The following PRELID2 variants were observed in gnomAD, a reference collection of about 807,000 sequenced individuals.
PRELID2 encodes PRELI domain containing 2, also known as PRELI domain-containing protein 2.
Under a neutral mutation model 28.4 loss-of-function variants are expected in PRELID2, and 25 were observed. That is an observed-to-expected ratio of 0.88 (90% CI 0.64 to 1.23). The LOEUF is 1.23. Among genes scored for constraint, PRELID2 ranks in the 50% most tolerant of loss-of-function variants. The pLI, the probability that PRELID2 is intolerant of heterozygous loss-of-function variation, is 0.00. For missense variants in PRELID2, 201 were observed against 214.4 expected (o/e 0.94, Z 0.39); for synonymous variants, 76 against 71.6 (o/e 1.06, Z -0.31).
At chr5:145,367,908 T>A in the PRELID2 span, among the ~76,000 whole-genome samples, 1 of 152,046 alleles carries the variant, frequency 6.6e-6, no homozygotes, top group Non-Finnish European at 1.5e-5. Flanking sequence ...CTTTTGCAAG[T>A]TTCCATGTGA....
At chr5:145,473,164 T>C (rs1404430003) in intron 2 of PRELID2, 1 of 152,282 alleles carries the variant, frequency 6.6e-6, no homozygotes, top group South Asian at 2.1e-4. Context: ...GAAGAAGGCT[T>C]CCATCTTTTT....
chr5:145,822,858 GC>G (rs1180964469), intron 2 of PRELID2, among the ~76,000 whole-genome samples: 1 of 152,038 alleles, frequency 6.6e-6, no homozygotes, highest in East Asian at 1.9e-4. Flanking sequence ...GCATCAGCAG[GC>G]CTTTTACTAT....
At position 145,638,261 on chromosome 5, in the gene PRELID2, CT is replaced by C. The variant is rs201754948; in HGVS notation, n.70+126669del. ...GATGCCTAACTTAAGCTGTTCCATG[CT>C]GTGTTCCCCACTAAACGGGCATTAC... On this transcript the variant is annotated intron_variant and non_coding_transcript_variant, in intron 1 of 2. Coordinates refer to the PRELID2 transcript ENST00000510259. 4.8e-4 allele frequency among the ~76,000 whole-genome samples: 73 copies of C among 152,260 alleles called. No homozygotes were observed. In the East Asian group the frequency reaches 0.013, roughly 27 times the overall value.
At chr5:145,379,837 G>A in the PRELID2 span, among the ~76,000 whole-genome samples, 4 of 152,026 alleles carry the variant, frequency 2.6e-5, no homozygotes, top group East Asian at 1.9e-4. Flanking sequence ...TATGGTGTGG[G>A]CCCCGAGAGC....
chr5:145,381,464 A>G, the PRELID2 span: 1 of 152,180 alleles, frequency 6.6e-6, no homozygotes, highest in African/African-American at 2.4e-5. Flanking sequence ...CCAACCTAAA[A>G]CAAACTTTAA....
At chr5:145,647,811 G>A (rs112143932) in intron 1 of PRELID2, among the ~76,000 whole-genome samples, 4,565 of 152,220 alleles carry the variant, frequency 0.03, 231 homozygotes, top group African/African-American at 0.1. Flanking sequence ...CAACCCTTGC[G>A]CTTCCCGGGT....
the PRELID2 span, among the ~76,000 whole-genome samples, chr5:145,459,524 T>C: frequency 1.3e-5 from 2 of 152,220 alleles, no homozygotes; most frequent in African/African-American, 4.8e-5. Context: ...TATATGTACA[T>C]GAAGTATGAT....
At chr5:145,428,590 A>C in the PRELID2 span, among the ~76,000 whole-genome samples, 1 of 152,148 alleles carries the variant, frequency 6.6e-6, no homozygotes, top group Non-Finnish European at 1.5e-5. Context: ...TGTAAATGAC[A>C]AGTTAATGGG....
At chr5:145,537,219 A>C (rs927409347) in intron 1 of PRELID2, among the ~76,000 whole-genome samples, 1 of 151,924 alleles carries the variant, frequency 6.6e-6, no homozygotes, top group Non-Finnish European at 1.5e-5. Flanking sequence ...AAGGACCCCA[A>C]GTACCTTGTG....
intron 1 of PRELID2, among the ~76,000 whole-genome samples, chr5:145,511,532 G>A (rs1489734468): frequency 6.6e-6 from 1 of 152,192 alleles, no homozygotes; most frequent in Admixed American, 6.5e-5. Flanking sequence ...GGATTGTGCT[G>A]TTCTTACGTG....
At chr5:145,801,570 C>T (rs1753144175) in intron 4 of PRELID2, among the ~76,000 whole-genome samples, 1 of 152,174 alleles carries the variant, frequency 6.6e-6, no homozygotes, top group African/African-American at 2.4e-5. Context: ...CTATATCAGA[C>T]ATTGTATTAC....
intron 1 of PRELID2, among the ~76,000 whole-genome samples, chr5:145,675,903 T>C (rs1175126016): frequency 1.3e-5 from 2 of 152,056 alleles, no homozygotes; most frequent in African/African-American, 2.4e-5. Flanking sequence ...ACAACAAATA[T>C]GTGAGTTGAT....
chr5:145,302,237 T>G, the PRELID2 span, among the ~76,000 whole-genome samples: 1 of 151,962 alleles, frequency 6.6e-6, no homozygotes, highest in Non-Finnish European at 1.5e-5. Flanking sequence ...TTGGCTCACA[T>G]CAAGGCTTCT....
intron 1 of PRELID2, among the ~76,000 whole-genome samples, chr5:145,833,104 C>G (rs575949189): frequency 6.6e-6 from 1 of 152,328 alleles, no homozygotes; most frequent in Non-Finnish European, 1.5e-5. Flanking sequence ...GCTTGGCACA[C>G]AGAAGATAAG....
intron 1 of PRELID2, among the ~76,000 whole-genome samples, chr5:145,528,055 A>T (rs1343349888): frequency 6.6e-6 from 1 of 152,000 alleles, no homozygotes; most frequent in African/African-American, 2.4e-5. Context: ...ACCCTCATTC[A>T]ACACGCTAAC....
chr5:145,451,930 C>T, the PRELID2 span, among the ~76,000 whole-genome samples: 1 of 152,124 alleles, frequency 6.6e-6, no homozygotes. Context: ...CTCAAAACAG[C>T]TCTCACTGAA....
At chr5:145,816,364 G>C (rs558736136) in intron 4 of PRELID2, among the ~76,000 whole-genome samples, 43 of 152,134 alleles carry the variant, frequency 2.8e-4, no homozygotes, top group African/African-American at 1.0e-3. Flanking sequence ...TTACAGGCAT[G>C]AGTCACCACG....
chr5:145,534,970 A>T (rs1304191776), intron 1 of PRELID2, among the ~76,000 whole-genome samples: 1 of 151,872 alleles, frequency 6.6e-6, no homozygotes, highest in Non-Finnish European at 1.5e-5. Context: ...TTCTTCTAAG[A>T]TCTTATTTGT....
At chr5:145,551,247 A>G (rs1175682172) in intron 1 of PRELID2, among the ~76,000 whole-genome samples, 2 of 151,920 alleles carry the variant, frequency 1.3e-5, no homozygotes, top group African/African-American at 2.4e-5. Flanking sequence ...CTAAAAATAC[A>G]AAAATTAGCT....
Sources: allele counts gnomAD v4.1 joint callset (sites outside exome capture counted in the v4.1 genomes callset), GRCh38; gene constraint gnomAD v4.1.1; transcripts MANE v1.5; gene names NCBI Gene and HGNC (gene_info 2026-07-23, HGNC 2026-07-21).